Variants in ADK observed in about 807,000 individuals in gnomAD.
ADK encodes N6,N6-dimethyladenosine kinase.
In ADK, 24 loss-of-function variants were observed where a neutral mutation model predicts 44.7. The observed-to-expected ratio is 0.54, with a 90% confidence interval of 0.39 to 0.76. The LOEUF (loss-of-function observed/expected upper bound fraction) is 0.76, where lower values mean the gene tolerates loss of function less well. ADK is among the 30% of genes least tolerant of loss of function. The pLI, the probability that ADK is intolerant of heterozygous loss-of-function variation, is 0.00. For synonymous variants in ADK, 128 were observed against 142.6 expected, an observed-to-expected ratio of 0.90 and a Z score of 0.73; for missense variants, 321 against 425.1, an observed-to-expected ratio of 0.76 and a Z score of 2.15.
chr10:74,266,428 G>T lies in ADK; in HGVS notation c.194+41837G>T, dbSNP rs556042991. On this transcript the variant is annotated intron_variant, in intron 3 of 10. Transcript: ENST00000539909. ...AAAAATTAGCCTGGCGTGGTGGCGG[G>T]CACCTGTAATCCCAGCTACTCAGGA... Among the ~76,000 whole-genome samples, 256 of 152,194 alleles carry T rather than the reference G, an allele frequency of 1.7e-3. 1 individual carries two copies. Among genetic ancestry groups the T allele is most frequent in the South Asian group, 0.012 (56 of 4,812 alleles).
intron 10 of ADK, among the ~76,000 whole-genome samples, chr10:74,688,357 G>A (rs1273785369): frequency 6.6e-6 from 1 of 152,072 alleles, no homozygotes; most frequent in Non-Finnish European, 1.5e-5. Flanking sequence ...AGAAGAACAG[G>A]AACTGTAAGT....
At chr10:74,382,384 C>T (rs183157588) in intron 4 of ADK, among the ~76,000 whole-genome samples, 165 of 152,282 alleles carry the variant, frequency 1.1e-3, no homozygotes, top group African/African-American at 3.8e-3. Flanking sequence ...CAGGTGTGAG[C>T]CACCGCACCT....
chr10:74,165,284 A>T (rs1011580534), intron 1 of ADK, among the ~76,000 whole-genome samples: 1 of 152,034 alleles, frequency 6.6e-6, no homozygotes, highest in African/African-American at 2.4e-5. Flanking sequence ...TTAAAATCAG[A>T]GTCTAATATT....
intron 1 of ADK, among the ~76,000 whole-genome samples, chr10:74,168,948 C>T (rs545243551): frequency 2.6e-5 from 4 of 151,876 alleles, no homozygotes; most frequent in Non-Finnish European, 5.9e-5. Context: ...AATATAGGAC[C>T]GGTGTGGTGG....
intron 7 of ADK, among the ~76,000 whole-genome samples, chr10:74,550,892 C>G (rs147569446): frequency 7.9e-5 from 12 of 152,240 alleles, no homozygotes; most frequent in Admixed American, 1.3e-4. Context: ...CGCTATGTTG[C>G]AGGTTTCACC....
chr10:74,529,539 GA>G (rs1357937480), intron 7 of ADK, among the ~76,000 whole-genome samples: 1 of 151,910 alleles, frequency 6.6e-6, no homozygotes, highest in African/African-American at 2.4e-5. Flanking sequence ...CAATTTTTTT[GA>G]AAAAGTTTTA....
At chr10:74,379,046 G>A (rs1397814372) in intron 4 of ADK, among the ~76,000 whole-genome samples, 1 of 152,124 alleles carries the variant, frequency 6.6e-6, no homozygotes, top group African/African-American at 2.4e-5. Context: ...GCAATGAGAG[G>A]TAAAGGGAAG....
intron 2 of ADK, among the ~76,000 whole-genome samples, chr10:74,219,094 A>G (rs949225055): frequency 7.2e-5 from 11 of 152,290 alleles, no homozygotes; most frequent in Non-Finnish European, 1.5e-4. Context: ...AAGAGTCAAG[A>G]CCCATCAGTG....
At chr10:74,367,481 C>T (rs1349242566) in intron 4 of ADK, among the ~76,000 whole-genome samples, 2 of 152,134 alleles carry the variant, frequency 1.3e-5, no homozygotes, top group Admixed American at 6.5e-5. Context: ...GGTTAAGAGA[C>T]ACTTAAATAA....
intron 4 of ADK, among the ~76,000 whole-genome samples, chr10:74,349,020 C>T (rs1443536170): frequency 6.6e-6 from 1 of 152,010 alleles, no homozygotes; most frequent in Non-Finnish European, 1.5e-5. Flanking sequence ...ACTTCCCCAA[C>T]CTAGCAAGAC....
intron 3 of ADK, among the ~76,000 whole-genome samples, chr10:74,266,806 C>T (rs1178513693): frequency 6.6e-6 from 1 of 151,964 alleles, no homozygotes; most frequent in Admixed American, 6.6e-5. Context: ...ATTTAAAATT[C>T]ATATTAAAAA....
At chr10:74,451,335 T>C (rs1044751718) in intron 6 of ADK, among the ~76,000 whole-genome samples, 6 of 152,044 alleles carry the variant, frequency 3.9e-5, no homozygotes, top group African/African-American at 1.4e-4. Context: ...GTCTGCAAAG[T>C]AGGTAACAAA....
chr10:74,600,035 T>C (rs1852059702), intron 8 of ADK, among the ~76,000 whole-genome samples: 1 of 152,182 alleles, frequency 6.6e-6, no homozygotes, highest in African/African-American at 2.4e-5. Context: ...TTTGTGGTTA[T>C]GTTTATCATT....
At chr10:74,185,521 ATTT>A (rs11368451) in intron 1 of ADK, among the ~76,000 whole-genome samples, 1 of 144,780 alleles carries the variant, frequency 6.9e-6, no homozygotes. Flanking sequence ...CAACAATATA[ATTT>A]TTTTTTTTTT....
At chr10:74,426,474 C>T (rs1844800787) in intron 6 of ADK, among the ~76,000 whole-genome samples, 2 of 152,054 alleles carry the variant, frequency 1.3e-5, no homozygotes, top group Admixed American at 1.3e-4. Flanking sequence ...GGAAATATTA[C>T]ATGAAACAAA....
At chr10:74,403,706 G>A (rs1422264061) in intron 6 of ADK, among the ~76,000 whole-genome samples, 1 of 152,074 alleles carries the variant, frequency 6.6e-6, no homozygotes, top group Non-Finnish European at 1.5e-5. Flanking sequence ...CAGGTGAAGC[G>A]ATGCCCCGCC....
intron 3 of ADK, among the ~76,000 whole-genome samples, chr10:74,265,219 A>C (rs995378689): frequency 6.9e-6 from 1 of 144,544 alleles, no homozygotes; most frequent in African/African-American, 2.5e-5. Flanking sequence ...AAATACTACA[A>C]TTTTTTTTTT....
At chr10:74,359,578 C>T (rs1013747677) in intron 4 of ADK, among the ~76,000 whole-genome samples, 4 of 151,974 alleles carry the variant, frequency 2.6e-5, no homozygotes, top group Non-Finnish European at 4.4e-5. Flanking sequence ...GGCATGGTAG[C>T]ATACACTTGT....
intron 4 of ADK, among the ~76,000 whole-genome samples, chr10:74,357,649 G>C (rs1842191707): frequency 6.6e-6 from 1 of 151,838 alleles, no homozygotes; most frequent in Non-Finnish European, 1.5e-5. Context: ...TTAACTGTAG[G>C]TCTGTTTGTA....
Sources: allele counts gnomAD v4.1 joint callset (sites outside exome capture counted in the v4.1 genomes callset), GRCh38; gene constraint gnomAD v4.1.1; transcripts MANE v1.5; gene names NCBI Gene and HGNC (gene_info 2026-07-23, HGNC 2026-07-21).